Variants in ALKBH3 observed in about 807,000 individuals in gnomAD.
ALKBH3 encodes the protein alkB homolog 3, alpha-ketoglutarate dependent dioxygenase, also known as alpha-ketoglutarate-dependent dioxygenase alkB homolog 3.
In ALKBH3, 51 loss-of-function variants were observed where a neutral mutation model predicts 43.9. The observed-to-expected ratio is 1.16, with a 90% CI of 0.93 to 1.47. The LOEUF (loss-of-function observed/expected upper bound fraction) is 1.47. Among genes scored for constraint, ALKBH3 ranks in the 40% most tolerant of loss-of-function variants. The probability of loss-of-function intolerance (pLI) is 0.00; values close to 1 mark genes in which losing one functional copy is unlikely to be tolerated. For missense variants in ALKBH3, 361 were observed against 351.9 expected (o/e 1.03, Z -0.21); for synonymous variants, 102 against 115.2 (o/e 0.89, Z 0.73).
intron 8 of ALKBH3, among the ~76,000 whole-genome samples, chr11:43,902,874 G>T (rs964837012): frequency 1.3e-5 from 2 of 152,210 alleles, no homozygotes; most frequent in Non-Finnish European, 2.9e-5. Flanking sequence ...TGGGATTACA[G>T]GCATGAGCCA....
chr11:43,905,822 GTC>G (rs1951892358), intron 8 of ALKBH3, among the ~76,000 whole-genome samples: 2 of 152,240 alleles, frequency 1.3e-5, no homozygotes, highest in African/African-American at 4.8e-5. Flanking sequence ...GCAAAGATTA[GTC>G]TGGTTCTTTT....
chr11:43,886,736 A>G, intron 5 of ALKBH3, 83 bp downstream of exon 5: 2 of 1,336,516 alleles, frequency 1.5e-6, no homozygotes, highest in Non-Finnish European at 2.1e-6. Flanking sequence ...AGAGAAAGAA[A>G]ATGTAGTACA....
At chr11:43,912,679 G>C (rs1951949146) in intron 8 of ALKBH3, among the ~76,000 whole-genome samples, 1 of 152,138 alleles carries the variant, frequency 6.6e-6, no homozygotes, top group African/African-American at 2.4e-5. Context: ...ATTTTGCTTT[G>C]AATGACTTTT....
At chr11:43,919,160 A>G (rs1952007189) in intron 9 of ALKBH3, 24 bp downstream of exon 9, 2 of 1,580,904 alleles carry the variant, frequency 1.3e-6, no homozygotes, top group Admixed American at 1.7e-5. Flanking sequence ...AGTAATATGA[A>G]TCTGCTTTCA....
At position 43,901,735 on chromosome 11, in the gene ALKBH3, CTCTTTT is replaced by C. The variant is rs778304212; in HGVS notation, c.669+15_669+20del. 1.9e-6 allele frequency: 3 copies of C among 1,613,552 alleles called. No individual in the cohort carries two copies. In the African/African-American group the frequency reaches 4.0e-5, roughly 22 times the overall value. ...AAAGAAGCCACCACCAGTGAGTATT[CTCTTTT>C]TCTTATGCTCTTCCTGCCTCTTATT... On this transcript the variant is annotated intron_variant, in intron 8 of 9. Transcript: ENST00000302708.
intron 6 of ALKBH3, among the ~76,000 whole-genome samples, chr11:43,891,297 A>G (rs1951782027): frequency 6.6e-6 from 1 of 151,956 alleles, no homozygotes; most frequent in Admixed American, 6.6e-5. Flanking sequence ...CAGTTAAGTA[A>G]CTCTCTGATC....
At chr11:43,919,474 C>A (rs1952009983) in intron 9 of ALKBH3, 1 of 311,222 alleles carries the variant, frequency 3.2e-6, no homozygotes, top group Non-Finnish European at 5.9e-6. Flanking sequence ...ATTTAAATAG[C>A]TTCAGGGTAG....
rs557446771 is a variant in ALKBH3 at position 43,883,107 on chromosome 11, C to G, written c.102C>G (p.Leu34=). The G allele has an allele frequency of 5.6e-6, 9 of 1,614,048 alleles. No individual in the cohort carries two copies. In the African/African-American group the frequency reaches 1.2e-4, roughly 22 times the overall value. Residue 34 remains leucine (L), a synonymous_variant, in exon 3 of 10, where the codon CTC becomes CTG. Transcript: ENST00000302708. Reference sequence around the variant, plus strand: ...CAGCTACCACTGCTAAGAGCCATCTCCACCAGAAGCCTGGCCAGACCTGGA... The same window carrying G: ...CAGCTACCACTGCTAAGAGCCATCTGCACCAGAAGCCTGGCCAGACCTGGA... The part of the protein sequence containing the change: ...AQPATTAKSH[L]HQKPGQTWKN...
chr11:43,910,454 A>G (rs915185893), intron 8 of ALKBH3: 1 of 152,234 alleles, frequency 6.6e-6, no homozygotes, highest in African/African-American at 2.4e-5. Context: ...AGTTCCAGTC[A>G]TCACTTTCCA....
At chr11:43,912,747 T>C (rs1951949822) in intron 8 of ALKBH3, among the ~76,000 whole-genome samples, 1 of 152,236 alleles carries the variant, frequency 6.6e-6, no homozygotes, top group African/African-American at 2.4e-5. Flanking sequence ...TCATGGCATT[T>C]ATTTTTTAAA....
chr11:43,901,647 A>G lies in ALKBH3; in HGVS notation c.591A>G (p.Ser197=). The G allele has an allele frequency of 6.2e-7, 1 of 1,614,242 alleles. No individual in the cohort carries two copies. Among genetic ancestry groups the G allele is most frequent in the Non-Finnish European group, 8.5e-7 (1 of 1,180,038 alleles). Residue 197 remains serine (S), a synonymous_variant, in exon 8 of 10, where the codon TCA becomes TCG. Transcript: ENST00000302708. ...ACTGGCACAGTGATGATGAACCCTC[A>G]CTAGGGAGGTGCCCCATTATTGCTT... ...SVDWHSDDEP[S]LGRCPIIASL... is the part of the protein sequence containing the mutation.
In ALKBH3 at chr11:43,880,852, G is replaced by A. The variant is rs1028527577; in HGVS notation, c.-398G>A. Reference sequence around the variant, plus strand: ...CTTCACTCTTAAGGTTCCGATCACAGACTGCGGAGTGGGTCAGGGGCTGCG... The same window carrying A: ...CTTCACTCTTAAGGTTCCGATCACAAACTGCGGAGTGGGTCAGGGGCTGCG... On this transcript the variant is annotated 5_prime_UTR_variant, in exon 1 of 10. Transcript: ENST00000302708. The A allele has an allele frequency of 1.3e-5, 2 of 152,232 alleles. No individual in the cohort carries two copies. Among genetic ancestry groups the A allele is most frequent in the African/African-American group, 4.8e-5 (2 of 41,450 alleles). The allele number at this position is 152,232 out of a possible 1,614,324, so 9.4% of individuals were successfully genotyped here.
chr11:43,905,715 AC>A (rs1951891647), intron 8 of ALKBH3, among the ~76,000 whole-genome samples: 1 of 152,142 alleles, frequency 6.6e-6, no homozygotes, highest in Non-Finnish European at 1.5e-5. Context: ...ACTTCAGTAG[AC>A]CTTTTTTATT....
intron 3 of ALKBH3, 127 bp from the exon 4 acceptor site, chr11:43,883,856 T>C: frequency 1.8e-6 from 2 of 1,117,828 alleles, no homozygotes; most frequent in Non-Finnish European, 2.6e-6. Context: ...AGTGGGTTAG[T>C]GAGAAGTTGG....
Position 43,886,643 on chromosome 11 carries a change from G to T in ALKBH3, c.256G>T (p.Gly86Cys). The part of the protein sequence containing the change: ...GVYEISLSPT[G>C]VSRVCLYPGF... The stretch of plus-strand genomic sequence containing the variant: ...GTATGAAATCAGCCTGTCACCCACA[G>T]GTGTATCTAGGTAAGCAAATCCTCA... Residue 86 changes from glycine to cysteine, a missense_variant, in exon 5 of 10, where the codon GGT becomes TGT. By Grantham distance (159) the Gly-to-Cys change is radical. Transcript: ENST00000302708. The T allele has an allele frequency of 6.2e-7, 1 of 1,614,000 alleles. No homozygotes were observed. Among genetic ancestry groups the T allele is most frequent in the Admixed American group, 1.7e-5 (1 of 60,012 alleles).
intron 3 of ALKBH3, 96 bp from the exon 4 acceptor site, chr11:43,883,887 T>C: frequency 6.8e-7 from 1 of 1,464,694 alleles, no homozygotes; most frequent in South Asian, 1.2e-5. Context: ...AGATAGTTTT[T>C]AACTTTATTT....
At chr11:43,899,870 AG>A (rs1951848849) in intron 7 of ALKBH3, among the ~76,000 whole-genome samples, 2 of 121,030 alleles carry the variant, frequency 1.7e-5, no homozygotes, top group Admixed American at 7.9e-5. Context: ...ACGTGGTCTC[AG>A]GAAAAAAAAA....
chr11:43,891,149 T>TA (rs1278267198), intron 6 of ALKBH3, among the ~76,000 whole-genome samples: 3 of 152,360 alleles, frequency 2.0e-5, no homozygotes, highest in African/African-American at 7.2e-5. Flanking sequence ...TGCATCAGAA[T>TA]AGGAGTCAGC....
chr11:43,897,748 A>G lies in ALKBH3; in HGVS notation c.460-3768A>G, dbSNP rs1012804843. On this transcript the variant is annotated intron_variant, in intron 7 of 9. Transcript: ENST00000302708. Reference sequence around the variant, plus strand: ...GAACGTACTTTGCACATTGAGGGTCATAATGAAACATTTTCCAATTGCTAT... The same window carrying G: ...GAACGTACTTTGCACATTGAGGGTCGTAATGAAACATTTTCCAATTGCTAT... 38 of 799,596 alleles carry G rather than the reference A, an allele frequency of 4.8e-5. No homozygotes were observed. The East Asian group carries it at 5.3e-4, about 11-fold the overall frequency. 49.5% of individuals were successfully genotyped at this position (799,596 alleles called of 1,614,324 possible).
Sources: allele counts gnomAD v4.1 joint callset (sites outside exome capture counted in the v4.1 genomes callset), GRCh38; gene constraint gnomAD v4.1.1; transcripts MANE v1.5; gene names NCBI Gene and HGNC (gene_info 2026-07-23, HGNC 2026-07-21).